The following GMDS variants were observed in gnomAD, a reference collection of about 807,000 sequenced individuals.
GMDS encodes GDP-mannose 4,6 dehydratase.
GMDS carries 20 observed loss-of-function variants against 49.9 expected under a neutral mutation model. That is an observed-to-expected ratio of 0.40 (90% CI 0.28 to 0.58). GMDS has a LOEUF of 0.58. Among genes scored for constraint, GMDS ranks in the 20% least tolerant of loss-of-function variants. The pLI is 0.42. For missense variants in GMDS, 362 were observed against 481.4 expected (o/e 0.75, Z 2.32); for synonymous variants, 177 against 178.6 (o/e 0.99, Z 0.07).
At chr6:2,080,085 C>T (rs1197231031) in intron 4 of GMDS, among the ~76,000 whole-genome samples, 1 of 152,138 alleles carries the variant, frequency 6.6e-6, no homozygotes, top group Admixed American at 6.5e-5. Context: ...CCTTCTTCTG[C>T]TTAATCTAGA....
At chr6:1,882,937 G>T (rs937435709) in intron 7 of GMDS, among the ~76,000 whole-genome samples, 12 of 152,182 alleles carry the variant, frequency 7.9e-5, no homozygotes, top group Admixed American at 3.3e-4. Context: ...AGGATTAGAA[G>T]AAACTGTGTA....
intron 4 of GMDS, among the ~76,000 whole-genome samples, chr6:2,114,034 T>C (rs1247147200): frequency 6.6e-6 from 1 of 152,164 alleles, no homozygotes; most frequent in Non-Finnish European, 1.5e-5. Flanking sequence ...CAAAACACTA[T>C]CATGATCACT....
At chr6:2,086,901 A>C (rs928479620) in intron 4 of GMDS, among the ~76,000 whole-genome samples, 2 of 152,226 alleles carry the variant, frequency 1.3e-5, no homozygotes, top group Non-Finnish European at 2.9e-5. Context: ...AAGCTCTGAA[A>C]TATTTGTCTG....
intron 7 of GMDS, among the ~76,000 whole-genome samples, chr6:1,874,054 C>G (rs1194655194): frequency 6.6e-6 from 1 of 152,206 alleles, no homozygotes; most frequent in African/African-American, 2.4e-5. Context: ...CTGCCTCGAA[C>G]AGGGCACCGG....
intron 7 of GMDS, among the ~76,000 whole-genome samples, chr6:1,863,245 C>T (rs1195756411): frequency 6.6e-6 from 1 of 152,098 alleles, no homozygotes; most frequent in Non-Finnish European, 1.5e-5. Flanking sequence ...CCATTAGTTT[C>T]TTTCACATGT....
chr6:2,059,079 G>A (rs368595024), intron 4 of GMDS, among the ~76,000 whole-genome samples: 1 of 145,356 alleles, frequency 6.9e-6, no homozygotes, highest in Non-Finnish European at 1.5e-5. Flanking sequence ...GGAAGGCTAA[G>A]CCAGGAGAAT....
At chr6:1,998,576 C>T (rs752845927) in intron 4 of GMDS, among the ~76,000 whole-genome samples, 1 of 152,044 alleles carries the variant, frequency 6.6e-6, no homozygotes, top group Non-Finnish European at 1.5e-5. Context: ...ATTCAATCAA[C>T]CACAATTCAA....
chr6:1,945,676 G>A (rs778395083), intron 6 of GMDS, among the ~76,000 whole-genome samples: 2 of 152,146 alleles, frequency 1.3e-5, no homozygotes, highest in African/African-American at 2.4e-5. Context: ...TCGGGAGGCT[G>A]AGGCAGGAAG....
intron 4 of GMDS, among the ~76,000 whole-genome samples, chr6:2,115,500 G>C (rs1774796474): frequency 6.6e-6 from 1 of 152,086 alleles, no homozygotes; most frequent in African/African-American, 2.4e-5. Context: ...ACATCCATGG[G>C]CCTCATGGCT....
chr6:2,034,500 G>A (rs575510623), intron 4 of GMDS, among the ~76,000 whole-genome samples: 1 of 152,234 alleles, frequency 6.6e-6, no homozygotes, highest in East Asian at 1.9e-4. Flanking sequence ...CGCAACTCTA[G>A]GAATAAACTA....
chr6:1,971,667 C>A (rs1370354676), intron 4 of GMDS, among the ~76,000 whole-genome samples: 2 of 152,162 alleles, frequency 1.3e-5, no homozygotes, highest in Admixed American at 1.3e-4. Flanking sequence ...GGCAAGGCTG[C>A]ACACACTGCT....
intron 9 of GMDS, among the ~76,000 whole-genome samples, chr6:1,698,740 G>T (rs1354993922): frequency 2.0e-5 from 3 of 151,286 alleles, no homozygotes; most frequent in Non-Finnish European, 4.4e-5. Flanking sequence ...ACAGAGGGCG[G>T]CCTCCAGTGG....
chr6:1,848,808 G>T (rs2113761186), intron 7 of GMDS, among the ~76,000 whole-genome samples: 1 of 152,296 alleles, frequency 6.6e-6, no homozygotes, highest in East Asian at 1.9e-4. Flanking sequence ...TCACCTAGGA[G>T]GGTGTGTGAA....
intron 1 of GMDS, among the ~76,000 whole-genome samples, chr6:2,163,111 G>A (rs1216517802): frequency 2.0e-5 from 3 of 152,172 alleles, no homozygotes; most frequent in South Asian, 2.1e-4. Flanking sequence ...AATCACGACC[G>A]ATGACATGTG....
intron 4 of GMDS, among the ~76,000 whole-genome samples, chr6:2,064,797 G>A (rs111257598): frequency 6.6e-6 from 1 of 152,128 alleles, no homozygotes; most frequent in Non-Finnish European, 1.5e-5. Flanking sequence ...GATTCTTTGG[G>A]GATGCCACAA....
At chr6:2,105,623 GAC>G (rs1774200209) in intron 4 of GMDS, among the ~76,000 whole-genome samples, 1 of 152,204 alleles carries the variant, frequency 6.6e-6, no homozygotes, top group Admixed American at 6.5e-5. Context: ...AATGTGGGTT[GAC>G]AGTCTTGAAG....
At chr6:2,175,869 A>T (rs1232949185) in intron 1 of GMDS, 5 of 834,396 alleles carry the variant, frequency 6.0e-6, no homozygotes, top group Non-Finnish European at 2.0e-6. Flanking sequence ...CCACATAAAC[A>T]GCCCTATCAG....
chr6:2,130,097 G>A (rs1775650814), intron 1 of GMDS, among the ~76,000 whole-genome samples: 1 of 152,128 alleles, frequency 6.6e-6, no homozygotes, highest in Non-Finnish European at 1.5e-5. Flanking sequence ...AAATACCGGG[G>A]AAATATCTAA....
intron 9 of GMDS, among the ~76,000 whole-genome samples, chr6:1,672,293 A>G (rs897051088): frequency 6.6e-6 from 1 of 152,226 alleles, no homozygotes; most frequent in Non-Finnish European, 1.5e-5. Flanking sequence ...CAGGATAGAC[A>G]TGGAGTGGAA....
Sources: allele counts gnomAD v4.1 joint callset (sites outside exome capture counted in the v4.1 genomes callset), GRCh38; gene constraint gnomAD v4.1.1; transcripts MANE v1.5; gene names NCBI Gene and HGNC (gene_info 2026-07-23, HGNC 2026-07-21).